Variants in ITPR2 observed in about 807,000 individuals in gnomAD.
ITPR2 encodes inositol 1,4,5-trisphosphate receptor type 2, also known as inositol 1,4,5-trisphosphate-gated calcium channel ITPR2.
In ITPR2, 207 loss-of-function variants were observed where a neutral mutation model predicts 317.1. The observed-to-expected ratio is 0.65, with a 90% CI of 0.58 to 0.73. The LOEUF is 0.73. Ranked by LOEUF, ITPR2 falls within the 30% of genes least tolerant of loss-of-function variation. The pLI, the probability that ITPR2 is intolerant of heterozygous loss-of-function variation, is 0.00. For missense variants in ITPR2, 2,613 were observed against 3,284.0 expected, an observed-to-expected ratio of 0.80 and a Z score of 4.99; for synonymous variants, 1,156 against 1,149.1, an observed-to-expected ratio of 1.01 and a Z score of -0.12.
chr12:26,483,973 G>C lies in ITPR2; in HGVS notation c.5812-75C>G, dbSNP rs1054416916. The C allele has an allele frequency of 6.5e-5, 82 of 1,255,208 alleles. No homozygotes were observed. In the African/African-American group the frequency reaches 1.2e-3, roughly 18 times the overall value. The allele number at this position is 1,255,208 out of a possible 1,614,324, so 77.8% of individuals were successfully genotyped here. ...TGATTGTTTGCTGTTCTTCCCATAT[G>C]TGTGCTTTTCTAACTTTTCTTTGTA... On this transcript the variant is annotated intron_variant, in intron 41 of 56. Transcript: ENST00000381340.
chr12:26,688,278 C>T (rs113897434), intron 10 of ITPR2, among the ~76,000 whole-genome samples: 2 of 152,034 alleles, frequency 1.3e-5, no homozygotes, highest in African/African-American at 4.8e-5. Context: ...TGAGCTCAAG[C>T]GATCCTCCCT....
Position 26,588,162 on chromosome 12 carries a change from T to C in ITPR2, c.4380+7303A>G, listed in dbSNP as rs754038227. Reference sequence around the variant, plus strand: ...CCAAGTGGAGGTGTCATGTAGACAGTTGAATATGTGAAACTAGACATCAGG... The same window carrying C: ...CCAAGTGGAGGTGTCATGTAGACAGCTGAATATGTGAAACTAGACATCAGG... On this transcript the variant is annotated intron_variant, in intron 32 of 56. Transcript: ENST00000381340. Among the ~76,000 whole-genome samples, 19 of 152,206 alleles carry C rather than the reference T, an allele frequency of 1.2e-4. No individual in the cohort carries two copies. In the East Asian group the frequency reaches 1.9e-3, roughly 15 times the overall value.
intron 45 of ITPR2, among the ~76,000 whole-genome samples, chr12:26,449,954 A>G (rs146828214): frequency 6.6e-6 from 1 of 152,326 alleles, no homozygotes; most frequent in Admixed American, 6.5e-5. Flanking sequence ...AAATGAGGTC[A>G]CACTGGATTA....
At chr12:26,641,483 A>T (rs1946988501) in intron 21 of ITPR2, among the ~76,000 whole-genome samples, 2 of 138,730 alleles carry the variant, frequency 1.4e-5, no homozygotes, top group South Asian at 4.9e-4. Flanking sequence ...GAAAAAGAAA[A>T]GAAACCTGAA....
At chr12:26,615,563 T>C (rs886390804) in intron 26 of ITPR2, among the ~76,000 whole-genome samples, 2 of 152,198 alleles carry the variant, frequency 1.3e-5, no homozygotes, top group African/African-American at 2.4e-5. Flanking sequence ...ATGAACTTAA[T>C]TGGAGTTTCA....
intron 43 of ITPR2, among the ~76,000 whole-genome samples, chr12:26,478,322 G>A (rs563738000): frequency 1.3e-4 from 20 of 151,678 alleles, no homozygotes; most frequent in Admixed American, 3.3e-4. Flanking sequence ...ATTTTTTTGC[G>A]GACTTGAACC....
intron 55 of ITPR2, among the ~76,000 whole-genome samples, chr12:26,360,276 T>C (rs758633711): frequency 7.9e-5 from 12 of 152,330 alleles, no homozygotes; most frequent in Non-Finnish European, 1.6e-4. Context: ...TCCTTCATTA[T>C]TTCTCTTACC....
intron 31 of ITPR2, 59 bp downstream of exon 31, chr12:26,596,820 CTAGA>C (rs1351858300): frequency 5.0e-6 from 7 of 1,398,292 alleles, no homozygotes; most frequent in Non-Finnish European, 5.8e-6. Flanking sequence ...CTTCTGGCAC[CTAGA>C]TAAACTTCAA....
intron 45 of ITPR2, among the ~76,000 whole-genome samples, chr12:26,448,002 T>TTAA (rs765853841): frequency 6.8e-6 from 1 of 147,584 alleles, no homozygotes; most frequent in Non-Finnish European, 1.5e-5. Context: ...GACTTTTTTT[T>TTAA]AAAAAAAAAA....
At position 26,763,148 on chromosome 12, in the gene ITPR2, T is replaced by A. The variant is rs549927988; in HGVS notation, c.163+27009A>T. Among the ~76,000 whole-genome samples the A allele has an allele frequency of 2.6e-5, 4 of 152,244 alleles. No homozygotes were observed. The East Asian group carries it at 7.7e-4, about 29-fold the overall frequency. On this transcript the variant is annotated intron_variant, in intron 2 of 56. Coordinates refer to ENST00000381340, the MANE Select transcript of ITPR2 (RefSeq NM_002223.4). ...CACTACAATAAATACATTTGTGTGG[T>A]GATGGATGCGTGTTCTGGGGCATAT...
rs115210787 is a variant in ITPR2 at position 26,450,014 on chromosome 12, C to T, written c.6343-6364G>A. On this transcript the variant is annotated intron_variant, in intron 45 of 56. Transcript: ENST00000381340. The stretch of plus-strand genomic sequence containing the variant: ...GAGTCCGTACAAGAACAGGGAAATA[C>T]GGGCACAATCAGACAGACAAGGAGA... 6.1e-3 allele frequency among the ~76,000 whole-genome samples: 923 copies of T among 152,180 alleles called. 4 individuals are homozygous for T. The highest frequency in any genetic ancestry group is 0.022 in the African/African-American group (893 of 41,520).
At chr12:26,668,092 A>G (rs1020614322) in intron 13 of ITPR2, among the ~76,000 whole-genome samples, 3 of 152,192 alleles carry the variant, frequency 2.0e-5, no homozygotes, top group Non-Finnish European at 4.4e-5. Context: ...GTTTAGATCA[A>G]ACTCTGATTC....
At chr12:26,437,425 A>G (rs1941382790) in intron 47 of ITPR2, among the ~76,000 whole-genome samples, 3 of 152,208 alleles carry the variant, frequency 2.0e-5, no homozygotes. Flanking sequence ...GAAATATGCT[A>G]TGATCAGCTA....
chr12:26,722,080 G>T (rs968538750), intron 5 of ITPR2, among the ~76,000 whole-genome samples: 1 of 152,078 alleles, frequency 6.6e-6, no homozygotes, highest in African/African-American at 2.4e-5. Flanking sequence ...TTTTCCTTAT[G>T]ACCAAGCTTC....
Position 26,651,400 on chromosome 12 carries a change from G to T in ITPR2, c.2740+2576C>A, listed in dbSNP as rs371648754. Among the ~76,000 whole-genome samples, 303 of 151,922 alleles carry T rather than the reference G, an allele frequency of 2.0e-3. 1 individual carries two copies. Among genetic ancestry groups the T allele is most frequent in the African/African-American group, 7.0e-3 (292 of 41,420 alleles). On this transcript the variant is annotated intron_variant, in intron 21 of 56. Transcript: ENST00000381340. ...GACACCTTATAATTTAATCTGTATT[G>T]GTAAAAAATAAATGAATAAATAAAG... is the stretch of plus-strand genomic sequence containing the variant.
At chr12:26,340,948 T>C (rs1172729059) in intron 55 of ITPR2, among the ~76,000 whole-genome samples, 2 of 152,188 alleles carry the variant, frequency 1.3e-5, no homozygotes, top group Non-Finnish European at 2.9e-5. Context: ...CAATAGCTGG[T>C]TCCACTTCTG....
intron 52 of ITPR2, 42 bp from the exon 53 acceptor site, chr12:26,400,300 A>G: frequency 8.7e-7 from 1 of 1,153,762 alleles, no homozygotes; most frequent in Admixed American, 2.8e-5. Context: ...AATTATGTAA[A>G]AATATATAAA....
chr12:26,618,575 T>C (rs1282699217), intron 26 of ITPR2, among the ~76,000 whole-genome samples: 1 of 152,180 alleles, frequency 6.6e-6, no homozygotes, highest in African/African-American at 2.4e-5. Context: ...AGAACACTCA[T>C]ACACTAGTGG....
chr12:26,804,802 C>A lies in ITPR2; in HGVS notation c.93-14575G>T, dbSNP rs569988557. Among the ~76,000 whole-genome samples, 19 of 152,218 alleles carry A rather than the reference C, an allele frequency of 1.2e-4. No homozygotes were observed. In the South Asian group the frequency reaches 3.7e-3, roughly 30 times the overall value. On this transcript the variant is annotated intron_variant, in intron 1 of 56. Transcript: ENST00000381340. ...CCAGGCTGGAATGCAGTGCTGCAATCCTGGCTCACTACAACCTTGACCTCC... is the reference window on the plus strand; with the variant it reads ...CCAGGCTGGAATGCAGTGCTGCAATACTGGCTCACTACAACCTTGACCTCC...
Sources: gnomAD v4.1 joint callset for allele counts (sites outside exome capture counted in the v4.1 genomes callset) on GRCh38, gnomAD v4.1.1 for gene constraint, MANE v1.5 for transcripts, NCBI Gene and HGNC (gene_info 2026-07-23, HGNC 2026-07-21) for gene names.